The following NAV2 variants were observed in gnomAD, a reference collection of about 807,000 sequenced individuals.
NAV2 encodes neuron navigator 2, also known as helicase, APC down-regulated 1.
A neutral mutation model predicts 223.2 loss-of-function variants in NAV2; 54 were observed. That is an observed-to-expected ratio of 0.24 (90% CI 0.19 to 0.30). The LOEUF (loss-of-function observed/expected upper bound fraction) is 0.30, where lower values mean the gene tolerates loss of function less well. Among genes scored for constraint, NAV2 ranks in the 10% least tolerant of loss-of-function variants. The pLI is 1.00. For missense variants in NAV2, 2,806 were observed against 3,147.5 expected (o/e 0.89, Z 2.60); for synonymous variants, 1,279 against 1,239.3 (o/e 1.03, Z -0.67).
rs77931309 is a variant in NAV2, at chr11:19,977,501, A to C, written c.2646-6624A>C. Among the ~76,000 whole-genome samples, 1,070 of 152,304 alleles carry C rather than the reference A, an allele frequency of 7.0e-3. 5 individuals carry two copies. Among genetic ancestry groups the C allele is most frequent in the Admixed American group, 0.017 (257 of 15,296 alleles). ...TATGTAAGAATATGCTGTGAGTAGG[A>C]TATTAGAGTCACTGCAACATGTCTC... On this transcript the variant is annotated intron_variant, in intron 10 of 37. Coordinates refer to ENST00000349880, the MANE Select transcript of NAV2 (RefSeq NM_145117.5).
At chr11:19,986,755 T>C (rs1162352728) in intron 11 of NAV2, among the ~76,000 whole-genome samples, 1 of 152,260 alleles carries the variant, frequency 6.6e-6, no homozygotes, top group Non-Finnish European at 1.5e-5. Context: ...TTCTGGCCTA[T>C]AGGCAAGGAG....
intron 1 of NAV2, among the ~76,000 whole-genome samples, chr11:19,757,703 T>C (rs1488004358): frequency 6.6e-6 from 1 of 152,186 alleles, no homozygotes; most frequent in African/African-American, 2.4e-5. Flanking sequence ...AGTAACAGCT[T>C]ACACTTATTG....
At chr11:19,550,524 AT>A (rs1193349279) in intron 1 of NAV2, among the ~76,000 whole-genome samples, 1 of 152,216 alleles carries the variant, frequency 6.6e-6, no homozygotes, top group Non-Finnish European at 1.5e-5. Context: ...TACAGGGTGG[AT>A]TCTGGAGCAG....
At chr11:19,601,221 C>T (rs1303064520) in intron 1 of NAV2, among the ~76,000 whole-genome samples, 1 of 152,212 alleles carries the variant, frequency 6.6e-6, no homozygotes, top group African/African-American at 2.4e-5. Context: ...AAGTCAGGCC[C>T]TATCTCTATC....
At position 20,114,623 on chromosome 11, in the gene NAV2, C is replaced by T; in HGVS notation, c.6992C>T (p.Pro2331Leu). 1 of 1,614,196 alleles carries T rather than the reference C, an allele frequency of 6.2e-7. No individual in the cohort carries two copies. Among genetic ancestry groups the T allele is most frequent in the Middle Eastern group, 1.6e-4 (1 of 6,062 alleles). The change falls in exon 37 of 38, where the codon CCT becomes CTT. Residue 2331 changes from proline (P) to leucine (L), a missense_variant. By Grantham distance (98) the Pro-to-Leu change is moderately conservative. Coordinates refer to ENST00000349880, the MANE Select transcript of NAV2 (RefSeq NM_145117.5). ...GGAAGGCGCGCCCCCTGGGAGGATC[C>T]TGCCAAGTGGGTGATGGACACATAT... ...LYGRRAPWED[P>L]AKWVMDTYPW... is the part of the protein sequence containing the mutation.
chr11:19,580,334 CT>C (rs35679395), intron 1 of NAV2, among the ~76,000 whole-genome samples: 5 of 149,248 alleles, frequency 3.4e-5, no homozygotes, highest in Non-Finnish European at 3.0e-5. Flanking sequence ...ATTTTTCTTT[CT>C]TTTTTTTTTA....
chr11:19,571,669 G>A (rs1263438710), intron 1 of NAV2, among the ~76,000 whole-genome samples: 2 of 151,300 alleles, frequency 1.3e-5, no homozygotes, highest in Non-Finnish European at 2.9e-5. Context: ...TTGCACCACT[G>A]CACTCCAGCC....
At chr11:19,784,293 CAGG>C (rs2056948304) in intron 1 of NAV2, among the ~76,000 whole-genome samples, 1 of 145,938 alleles carries the variant, frequency 6.9e-6, no homozygotes, top group Non-Finnish European at 1.5e-5. Flanking sequence ...GAGGCTGAGG[CAGG>C]AGAATCGCTT....
intron 4 of NAV2, among the ~76,000 whole-genome samples, chr11:19,874,307 T>A (rs1344804435): frequency 1.3e-5 from 2 of 152,170 alleles, no homozygotes; most frequent in Non-Finnish European, 2.9e-5. Flanking sequence ...ATATGGCCCA[T>A]GCAATTTGCT....
rs759721238 is a variant in NAV2, at chr11:20,049,103, C to T, written c.4278C>T (p.His1426=). The T allele has an allele frequency of 6.2e-7, 1 of 1,614,134 alleles. No individual in the cohort carries two copies. Among genetic ancestry groups the T allele is most frequent in the South Asian group, 1.1e-5 (1 of 91,070 alleles). Residue 1426 remains histidine, a synonymous_variant, in exon 15 of 38, where the codon CAC becomes CAT. Transcript: ENST00000349880. ...TCAGCAGTGGAGGGGTCCCCAGCCA[C>T]AATTCTTCCACTGGCCTCATCGCCT... ...ISLSSGGVPS[H]NSSTGLIASS...
chr11:19,710,475 T>G (rs1396666864), upstream of NAV2, among the ~76,000 whole-genome samples: 1 of 152,262 alleles, frequency 6.6e-6, no homozygotes, highest in Non-Finnish European at 1.5e-5. Flanking sequence ...GCAGAATATC[T>G]CAAGTTTTAG....
intron 3 of NAV2, among the ~76,000 whole-genome samples, chr11:19,854,004 T>C (rs1005158169): frequency 2.0e-5 from 3 of 152,160 alleles, no homozygotes; most frequent in Non-Finnish European, 4.4e-5. Flanking sequence ...TTAAAGAATG[T>C]AGCAAATGTG....
rs1743722142 is a variant in NAV2, at chr11:19,713,919, C to T, written c.224C>T (p.Pro75Leu). 1 of 1,613,414 alleles carries T rather than the reference C, an allele frequency of 6.2e-7. No individual in the cohort carries two copies. Residue 75 changes from proline to leucine, a missense_variant, in exon 1 of 38, where the codon CCG (proline) becomes CTG (leucine). Transcript: ENST00000349880. The surrounding 1 kb of genome is among the most constrained non-coding windows in gnomAD (Gnocchi z 7.2). Reference sequence around the variant, plus strand: ...CAGGAGCCAGCGGGGGAGGGGCTCCCGCTGCGGAAGAGCGGCTCGGTGGAA... The same window carrying T: ...CAGGAGCCAGCGGGGGAGGGGCTCCTGCTGCGGAAGAGCGGCTCGGTGGAA... ...GLQEPAGEGL[P>L]LRKSGSVENG...
In NAV2 at chr11:20,118,250, A is replaced by G. The variant is rs145428716; in HGVS notation, c.7282A>G (p.Thr2428Ala). 1.1e-4 allele frequency: 184 copies of G among 1,613,666 alleles called. No individual in the cohort carries two copies. The highest frequency in any genetic ancestry group is 1.5e-4 in the Non-Finnish European group (182 of 1,179,944). ...CATCTTGGACTCCTCTTTGGAGTCCACTCTGTGACAGGGGCCCGGAGCCCA... is the reference window on the plus strand; with the variant it reads ...CATCTTGGACTCCTCTTTGGAGTCCGCTCTGTGACAGGGGCCCGGAGCCCA... ...DDILDSSLES[T>A]L The change falls in exon 38 of 38, where the codon ACT becomes GCT. Residue 2428 changes from threonine to alanine, a missense_variant. Physicochemically the swap from Thr to Ala is moderately conservative, Grantham distance 58. Coordinates refer to ENST00000349880, the MANE Select transcript of NAV2 (RefSeq NM_145117.5).
chr11:19,453,107 A>G (rs1055330453), intron 1 of NAV2, among the ~76,000 whole-genome samples: 2 of 152,244 alleles, frequency 1.3e-5, no homozygotes, highest in African/African-American at 2.4e-5. Context: ...GACTGGGATC[A>G]TAACTGGGAT....
intron 1 of NAV2, among the ~76,000 whole-genome samples, chr11:19,382,772 A>G (rs1440868211): frequency 2.0e-5 from 3 of 152,138 alleles, no homozygotes; most frequent in South Asian, 2.1e-4. Flanking sequence ...CACCCATTTT[A>G]TAGATGAGGA....
intron 1 of NAV2, among the ~76,000 whole-genome samples, chr11:19,449,746 G>A (rs899516007): frequency 3.3e-5 from 5 of 152,158 alleles, no homozygotes; most frequent in Non-Finnish European, 7.4e-5. Flanking sequence ...GGCCATGAGA[G>A]CACCTTCTAT....
In NAV2 at chr11:20,054,133, G is replaced by C; in HGVS notation, c.4535G>C (p.Arg1512Pro). 1 of 1,613,430 alleles carries C rather than the reference G, an allele frequency of 6.2e-7. No individual in the cohort carries two copies. Among genetic ancestry groups the C allele is most frequent in the Non-Finnish European group, 8.5e-7 (1 of 1,179,886 alleles). ...RTQEDAKEWL[R>P]SHSAGGLQDT... Reference sequence around the variant, plus strand: ...CAAGAAGATGCAAAAGAATGGTTACGGTCCCATTCTGCAGGAGGCCTTCAG... The same window carrying C: ...CAAGAAGATGCAAAAGAATGGTTACCGTCCCATTCTGCAGGAGGCCTTCAG... The change falls in exon 18 of 38, where the codon CGG becomes CCG. Residue 1512 changes from arginine (R) to proline (P), a missense_variant. Arg to Pro is a moderately radical substitution (Grantham distance 103). Transcript: ENST00000349880.
rs115579443 is a variant in NAV2, at chr11:19,547,316, C to T, written c.75+196289C>T. On this transcript the variant is annotated intron_variant, in intron 1 of 37. Coordinates refer to the NAV2 transcript ENST00000360655. ...TAAAGATGCTGGAAACACTTGGGTT[C>T]CTCTTACCCACCCCCAAATGTAATG... 8.9e-3 allele frequency among the ~76,000 whole-genome samples: 1,354 copies of T among 152,332 alleles called. 21 individuals are homozygous for T. Among genetic ancestry groups the T allele is most frequent in the African/African-American group, 0.031 (1,288 of 41,580 alleles).
Sources: gnomAD v4.1 joint callset for allele counts (sites outside exome capture counted in the v4.1 genomes callset) on GRCh38, gnomAD v4.1.1 for gene constraint, Gnocchi (gnomAD v3.1) non-coding constraint, MANE v1.5 for transcripts, NCBI Gene and HGNC (gene_info 2026-07-23, HGNC 2026-07-21) for gene names.